The following OPCML variants were observed in gnomAD, a reference collection of about 807,000 sequenced individuals.
OPCML encodes the protein opioid binding protein/cell adhesion molecule like.
A neutral mutation model predicts 37.8 loss-of-function variants in OPCML; 13 were observed. That is an observed-to-expected ratio of 0.34 (90% CI 0.22 to 0.55). The LOEUF is 0.55. OPCML is among the 20% of genes least tolerant of loss of function. OPCML has a pLI of 0.91. For missense variants in OPCML, 341 were observed against 435.6 expected (o/e 0.78, Z 1.93); for synonymous variants, 176 against 168.8 (o/e 1.04, Z -0.33).
chr11:132,489,714 G>C (rs562265749), intron 4 of OPCML, among the ~76,000 whole-genome samples: 45 of 152,108 alleles, frequency 3.0e-4, no homozygotes, highest in African/African-American at 1.1e-3. Context: ...GGGTACATGT[G>C]CAGAATGTGC....
chr11:133,036,200 G>A (rs1206857133), intron 1 of OPCML, among the ~76,000 whole-genome samples: 1 of 152,188 alleles, frequency 6.6e-6, no homozygotes, highest in African/African-American at 2.4e-5. Flanking sequence ...TTGCTTTAAA[G>A]GGTTGCTGCT....
At chr11:132,683,114 G>A (rs1194488710) in intron 2 of OPCML, among the ~76,000 whole-genome samples, 1 of 152,254 alleles carries the variant, frequency 6.6e-6, no homozygotes, top group Non-Finnish European at 1.5e-5. Context: ...TAAAATACTT[G>A]TAAAAAATAT....
intron 2 of OPCML, among the ~76,000 whole-genome samples, chr11:132,671,195 A>G (rs533444380): frequency 7.9e-5 from 12 of 152,282 alleles, no homozygotes; most frequent in Admixed American, 7.2e-4. Flanking sequence ...TTCCTACAGC[A>G]TTGCTCCTGT....
At chr11:132,772,264 C>T (rs759644361) in intron 2 of OPCML, 1 of 152,298 alleles carries the variant, frequency 6.6e-6, no homozygotes, top group South Asian at 2.1e-4. Context: ...GCTACCAAAG[C>T]TCTCATTTCT....
chr11:132,853,011 A>C (rs2136334290), intron 2 of OPCML, among the ~76,000 whole-genome samples: 1 of 152,358 alleles, frequency 6.6e-6, no homozygotes, highest in Non-Finnish European at 1.5e-5. Context: ...GCAGGAAAAA[A>C]GCAATTGTGT....
chr11:133,412,407 A>T (rs1467201408), intron 1 of OPCML, among the ~76,000 whole-genome samples: 1 of 152,182 alleles, frequency 6.6e-6, no homozygotes. Context: ...GTCAGAGAGC[A>T]TGTGGCATGG....
chr11:132,834,186 A>G (rs1940875605), intron 2 of OPCML, among the ~76,000 whole-genome samples: 1 of 152,220 alleles, frequency 6.6e-6, no homozygotes, highest in Non-Finnish European at 1.5e-5. Flanking sequence ...GAAGAGAATT[A>G]CCTATTGAGA....
At chr11:133,467,611 C>T (rs1947005823) in intron 1 of OPCML, among the ~76,000 whole-genome samples, 1 of 152,118 alleles carries the variant, frequency 6.6e-6, no homozygotes, top group Non-Finnish European at 1.5e-5. Context: ...GTACCTCCCT[C>T]ACTCCATGGC....
intron 3 of OPCML, among the ~76,000 whole-genome samples, chr11:132,576,985 C>T (rs4274202): frequency 0.71 from 107,666 of 152,040 alleles, 38,814 homozygotes; most frequent in East Asian, 0.81. Flanking sequence ...TTCAGGAATG[C>T]TTGCATGCTG....
chr11:132,943,389 A>G lies in OPCML; in HGVS notation c.62-379T>C. 2 of 469,124 alleles carry G rather than the reference A, an allele frequency of 4.3e-6. No individual in the cohort carries two copies. Among genetic ancestry groups the G allele is most frequent in the Non-Finnish European group, 7.8e-6 (2 of 258,034 alleles). The allele number at this position is 469,124 out of a possible 1,614,324, so 29.1% of individuals were successfully genotyped here. On this transcript the variant is annotated intron_variant, in intron 1 of 7. Coordinates refer to ENST00000524381, the MANE Select transcript of OPCML (RefSeq NM_001012393.5). This position sits in a 1 kb window ranked among gnomAD's most constrained non-coding sequence, Gnocchi z 4.3. The stretch of plus-strand genomic sequence containing the variant: ...GGCCAGGAGGGGAGAGGAAGAAGCA[A>G]GGTGCGGGGATGAAGGTCACAGATT...
At chr11:132,441,164 T>C (rs1232914123) in intron 4 of OPCML, among the ~76,000 whole-genome samples, 1 of 89,536 alleles carries the variant, frequency 1.1e-5, no homozygotes, top group East Asian at 3.2e-4. Context: ...AGGACTTTTT[T>C]GTTTTTTTTT....
chr11:132,719,116 C>T (rs1944589693), intron 2 of OPCML, among the ~76,000 whole-genome samples: 1 of 152,206 alleles, frequency 6.6e-6, no homozygotes, highest in African/African-American at 2.4e-5. Context: ...GTGGAGGGTC[C>T]CTGACTGACA....
Position 132,418,624 on chromosome 11 carries a change from C to T in OPCML, c.*1569G>A, listed in dbSNP as rs1279636894. On this transcript the variant is annotated 3_prime_UTR_variant, in exon 8 of 8. Transcript: ENST00000524381. ...GAAACAAATACCAGAGTTGTCAATA[C>T]ACCCGCCATGTAATTGGCCTCCATC... 1 of 152,612 alleles carries T rather than the reference C, an allele frequency of 6.6e-6. No individual in the cohort carries two copies. Among genetic ancestry groups the T allele is most frequent in the Non-Finnish European group, 1.5e-5 (1 of 68,048 alleles). The allele number at this position is 152,612 out of a possible 1,614,324, so 9.5% of individuals were successfully genotyped here. A position where few individuals can be genotyped will look rare whatever the true frequency, so the allele number is the denominator to read the frequency against.
chr11:132,420,161 C>G lies in OPCML; in HGVS notation c.*32G>C, dbSNP rs759712513. ...GATTAAAGTCTGTGATATGGAGAAG[C>G]AGGCGTTGCTCAGAGGACCTAGGAT... On this transcript the variant is annotated 3_prime_UTR_variant, in exon 8 of 8. Transcript: ENST00000524381. The G allele has an allele frequency of 4.4e-6, 7 of 1,589,560 alleles. No homozygotes were observed. The highest frequency in any genetic ancestry group is 6.0e-6 in the Non-Finnish European group (7 of 1,158,466).
chr11:132,559,729 C>T (rs1446522975), intron 3 of OPCML, among the ~76,000 whole-genome samples: 16 of 152,062 alleles, frequency 1.1e-4, no homozygotes, highest in South Asian at 2.1e-4. Context: ...GAAGATAAGA[C>T]GAAAAGAAAA....
chr11:133,506,680 C>T (rs556442292), intron 1 of OPCML, among the ~76,000 whole-genome samples: 36 of 152,336 alleles, frequency 2.4e-4, no homozygotes, highest in African/African-American at 8.7e-4. Context: ...CTGATAAAAT[C>T]AGTGGAAGCA....
At chr11:132,963,419 G>T (rs558444166) in intron 1 of OPCML, among the ~76,000 whole-genome samples, 1 of 151,964 alleles carries the variant, frequency 6.6e-6, no homozygotes, top group South Asian at 2.1e-4. Flanking sequence ...GTGAAACCCC[G>T]TCTCGACTAA....
intron 3 of OPCML, among the ~76,000 whole-genome samples, chr11:132,532,749 GC>G (rs1565643085): frequency 6.6e-6 from 1 of 152,034 alleles, no homozygotes; most frequent in African/African-American, 2.4e-5. Flanking sequence ...TCAAGTCAGC[GC>G]CCCTTGCACA....
rs1565468635 is a variant in OPCML at position 133,140,940 on chromosome 11, AGAAGAC to A, written c.62-197936_62-197931del. ...AAGAAGACGACGACGACGAAGAAGA[AGAAGAC>A]GACGAAGAAGAAGAAGAAGAAGAAG... On this transcript the variant is annotated intron_variant, in intron 1 of 7. Transcript: ENST00000524381. Among the ~76,000 whole-genome samples the A allele has an allele frequency of 3.3e-3, 53 of 16,198 alleles. 11 individuals carry two copies. The highest frequency in any genetic ancestry group is 6.3e-3 in the African/African-American group (44 of 7,026). 10.6% of individuals were successfully genotyped at this position (16,198 alleles called of 152,430 possible).
Sources: gnomAD v4.1 joint callset for allele counts (sites outside exome capture counted in the v4.1 genomes callset) on GRCh38, gnomAD v4.1.1 for gene constraint, Gnocchi (gnomAD v3.1) non-coding constraint, MANE v1.5 for transcripts, NCBI Gene and HGNC (gene_info 2026-07-23, HGNC 2026-07-21) for gene names.